Variants in PRKD2 observed in about 807,000 individuals in gnomAD.
PRKD2 encodes the protein protein kinase D2.
In PRKD2, 22 loss-of-function variants were observed where a neutral mutation model predicts 86.0. The ratio of observed to expected loss-of-function variants is 0.26; its 90% CI spans 0.18 to 0.37. The LOEUF is 0.37. Among genes scored for constraint, PRKD2 ranks in the 10% least tolerant of loss-of-function variants. The probability of loss-of-function intolerance (pLI) is 1.00; values close to 1 mark genes in which losing one functional copy is unlikely to be tolerated. For synonymous variants in PRKD2, 509 were observed against 510.9 expected (o/e 1.00, Z 0.05); for missense variants, 818 against 1,199.2 (o/e 0.68, Z 4.70).
intron 3 of PRKD2, among the ~76,000 whole-genome samples, chr19:46,707,575 G>C (rs1027678822): frequency 6.6e-6 from 1 of 150,794 alleles, no homozygotes; most frequent in Non-Finnish European, 1.5e-5. Context: ...GGGTGACGGA[G>C]CAAGACTCTG....
intron 15 of PRKD2, among the ~76,000 whole-genome samples, chr19:46,681,208 G>A (rs1047624632): frequency 4.0e-5 from 6 of 149,550 alleles, no homozygotes; most frequent in African/African-American, 9.8e-5. Context: ...TGCCCGCCTC[G>A]GCCTCCCAAA....
intron 1 of PRKD2, chr19:46,714,278 C>T: frequency 8.3e-7 from 1 of 1,203,664 alleles, no homozygotes; most frequent in Non-Finnish European, 1.0e-6. Context: ...GTGGACACCT[C>T]GAATTTTCCG....
At chr19:46,698,032 C>T (rs1274229987) in intron 7 of PRKD2, among the ~76,000 whole-genome samples, 182 bp from the exon 8 acceptor site, 2 of 152,074 alleles carry the variant, frequency 1.3e-5, no homozygotes, top group Admixed American at 1.3e-4. Context: ...TTAAGAGGCT[C>T]GCTCTGTCAC....
Position 46,678,823 on chromosome 19 carries a change from TC to T in PRKD2, c.2071-161del, listed in dbSNP as rs113354651. ...GCTGAGCAACCCTGGGCAGGTGACT[TC>T]CCCCCTCTGTGCCTCAGTTTCCCCA... On this transcript the variant is annotated intron_variant, in intron 15 of 17. Transcript: ENST00000291281. This position sits in a 1 kb window ranked among gnomAD's most constrained non-coding sequence, Gnocchi z 5.7. Among the ~76,000 whole-genome samples, 5,507 of 151,702 alleles carry T rather than the reference TC, an allele frequency of 0.036. 302 individuals carry two copies. Among genetic ancestry groups the T allele is most frequent in the African/African-American group, 0.12 (5,112 of 41,326 alleles).
intron 3 of PRKD2, among the ~76,000 whole-genome samples, chr19:46,708,182 C>T (rs2053743869): frequency 6.6e-6 from 1 of 151,990 alleles, no homozygotes; most frequent in South Asian, 2.1e-4. Flanking sequence ...CTGTGTCTCC[C>T]CCAAAATTCT....
Position 46,674,477 on chromosome 19 carries a change from T to C in PRKD2, c.*46A>G, listed in dbSNP as rs745899218. ...AGAACAGTTCATTGCTGGGATCCTG[T>C]GAAGAACCGCTGTGGAGGGCAGCAG... On this transcript the variant is annotated 3_prime_UTR_variant, in exon 18 of 18. Coordinates refer to ENST00000291281, the MANE Select transcript of PRKD2 (RefSeq NM_016457.5). The C allele has an allele frequency of 1.3e-6, 2 of 1,572,068 alleles. No individual in the cohort carries two copies. The highest frequency in any genetic ancestry group is 1.7e-6 in the Non-Finnish European group (2 of 1,156,598).
intron 16 of PRKD2, 29 bp from the exon 17 acceptor site, chr19:46,675,147 C>A: frequency 6.3e-7 from 1 of 1,584,808 alleles, no homozygotes; most frequent in East Asian, 2.3e-5. Context: ...CAGGTCAAGC[C>A]CTACAGGTCA....
chr19:46,701,992 G>A (rs1314431502), intron 5 of PRKD2, among the ~76,000 whole-genome samples: 1 of 147,240 alleles, frequency 6.8e-6, no homozygotes, highest in Non-Finnish European at 1.5e-5. Context: ...AGATTCTAGA[G>A]TTTACTAAAA....
At chr19:46,674,777 G>C in intron 17 of PRKD2, 42 bp from the exon 18 acceptor site, 1 of 1,571,410 alleles carries the variant, frequency 6.4e-7, no homozygotes, top group Non-Finnish European at 8.6e-7. Context: ...GTCTGCATTG[G>C]AGCAGTGCCT....
chr19:46,690,502 C>G (rs956891753), intron 13 of PRKD2, 98 bp downstream of exon 13: 4 of 1,036,408 alleles, frequency 3.9e-6, no homozygotes, highest in Admixed American at 1.8e-5. Context: ...TCAACATGCA[C>G]ATGCCCTCCC....
chr19:46,691,507 G>A (rs572492826), intron 12 of PRKD2, among the ~76,000 whole-genome samples: 17 of 152,216 alleles, frequency 1.1e-4, no homozygotes, highest in Admixed American at 8.5e-4. Flanking sequence ...TCAGAGTGCC[G>A]AATTTACCCT....
Position 46,693,657 on chromosome 19 carries a change from T to G in PRKD2, c.1576+218A>C, listed in dbSNP as rs2053513713. On this transcript the variant is annotated intron_variant, in intron 10 of 17. Transcript: ENST00000291281. This position sits in a 1 kb window ranked among gnomAD's most constrained non-coding sequence, Gnocchi z 4.5. ...CTCATTATGTTGCCCAGGCTGGTCT[T>G]GAACTCCTGGCCTCAAGTGATCCTC... Among the ~76,000 whole-genome samples, 1 of 152,152 alleles carries G rather than the reference T, an allele frequency of 6.6e-6. No homozygotes were observed. Among genetic ancestry groups the G allele is most frequent in the African/African-American group, 2.4e-5 (1 of 41,434 alleles).
chr19:46,685,415 C>T (rs1179661619), intron 14 of PRKD2: 1 of 152,208 alleles, frequency 6.6e-6, no homozygotes, highest in Admixed American at 6.6e-5. Flanking sequence ...GGGTTTATAA[C>T]AATACCTACC....
At chr19:46,697,318 T>G in intron 8 of PRKD2, 84 bp from the exon 9 acceptor site, 2 of 1,029,718 alleles carry the variant, frequency 1.9e-6, no homozygotes, top group Non-Finnish European at 2.9e-6. Flanking sequence ...GGGCTCCAGG[T>G]GCCTGGAGCA....
In PRKD2 at chr19:46,694,066, G is replaced by A. The variant is rs527595835; in HGVS notation, c.1385C>T (p.Thr462Ile). ...GACGATCTCAAAGCAGTGTGGGTTG[G>A]TGCCCGGCGGCACAAGGCTGAAGTT... is the stretch of plus-strand genomic sequence containing the variant. ...AQNFSLVPPG[T>I]NPHCFEIVTA... Residue 462 changes from threonine to isoleucine, a missense_variant, in exon 10 of 18, where the codon ACC (threonine) becomes ATC (isoleucine). Transcript: ENST00000291281. 2 of 1,614,182 alleles carry A rather than the reference G, an allele frequency of 1.2e-6. No homozygotes were observed. Among genetic ancestry groups the A allele is most frequent in the African/African-American group, 1.3e-5 (1 of 75,070 alleles).
chr19:46,707,688 C>CTGTA (rs2053734207), intron 3 of PRKD2, among the ~76,000 whole-genome samples: 1 of 152,194 alleles, frequency 6.6e-6, no homozygotes, highest in South Asian at 2.1e-4. Context: ...TGGCCTTCAT[C>CTGTA]TGTAGGCAGA....
At chr19:46,691,005 C>G (rs1329175196) in intron 12 of PRKD2, among the ~76,000 whole-genome samples, 1 of 152,120 alleles carries the variant, frequency 6.6e-6, no homozygotes, top group Admixed American at 6.6e-5. Context: ...CCGTAAGAGT[C>G]CTGGGGACAG....
At chr19:46,709,741 G>A (rs1599841718) in intron 3 of PRKD2, among the ~76,000 whole-genome samples, 3 of 152,294 alleles carry the variant, frequency 2.0e-5, no homozygotes, top group South Asian at 4.1e-4. Context: ...CTTGTTCTAG[G>A]TGGGTCTCAT....
At chr19:46,702,861 A>AT (rs1201477021) in intron 5 of PRKD2, among the ~76,000 whole-genome samples, 1 of 151,398 alleles carries the variant, frequency 6.6e-6, no homozygotes, top group Non-Finnish European at 1.5e-5. Flanking sequence ...CTAATTTTTA[A>AT]TTTTTTTTGT....
Sources: gnomAD v4.1 joint callset for allele counts (sites outside exome capture counted in the v4.1 genomes callset) on GRCh38, gnomAD v4.1.1 for gene constraint, Gnocchi (gnomAD v3.1) non-coding constraint, MANE v1.5 for transcripts, NCBI Gene and HGNC (gene_info 2026-07-23, HGNC 2026-07-21) for gene names.